Variants in MASP2 observed in about 807,000 individuals in gnomAD.
MASP2 encodes mannan-binding lectin serine protease 2.
In MASP2, 49 loss-of-function variants were observed where a neutral mutation model predicts 57.1. The observed-to-expected ratio is 0.86, with a 90% CI of 0.68 to 1.09. The LOEUF (loss-of-function observed/expected upper bound fraction) is 1.09, where lower values mean the gene tolerates loss of function less well. Among genes scored for constraint, MASP2 ranks in the 50% least tolerant of loss-of-function variants. The pLI, the probability that MASP2 is intolerant of heterozygous loss-of-function variation, is 0.00. For synonymous variants in MASP2, 379 were observed against 340.8 expected, an observed-to-expected ratio of 1.11 and a Z score of -1.24; for missense variants, 900 against 874.8, an observed-to-expected ratio of 1.03 and a Z score of -0.36.
intron 8 of MASP2, among the ~76,000 whole-genome samples, chr1:11,033,371 G>A (rs566207551): frequency 1.3e-5 from 2 of 151,864 alleles, no homozygotes; most frequent in East Asian, 1.9e-4. Flanking sequence ...CAGGCTGGGC[G>A]CTGTGGCTCA....
At chr1:11,043,658 C>T (rs1022831902) in intron 4 of MASP2, 123 bp from the exon 5 acceptor site, 3 of 707,174 alleles carry the variant, frequency 4.2e-6, no homozygotes, top group African/African-American at 3.6e-5. Flanking sequence ...ACATCTGCAT[C>T]CCTGGGTTGG....
At chr1:11,045,167 G>A (rs1478524196) in intron 4 of MASP2, 1 of 758,080 alleles carries the variant, frequency 1.3e-6, no homozygotes, top group African/African-American at 1.7e-5. Context: ...AGCCCAGGTG[G>A]AACCAGGTAC....
intron 10 of MASP2, among the ~76,000 whole-genome samples, chr1:11,027,979 T>C (rs369378026): frequency 1.2e-4 from 19 of 152,274 alleles, no homozygotes; most frequent in African/African-American, 4.6e-4. Flanking sequence ...CCCAGCACTT[T>C]GGGAGGCTGA....
rs1236630762 is a variant in MASP2 at position 11,034,893 on chromosome 1, A to C, written c.1022T>G (p.Leu341Arg). Reference protein sequence around the residue: ...GYELLQGHLPLKSFTAVCQKD... With the variant: ...GYELLQGHLPRKSFTAVCQKD... ...CTGACAAACTGCAGTAAAGGATTTCAGGGGCAAGTGACCCTAAAGAAGAAT... is the reference window on the plus strand; with the variant it reads ...CTGACAAACTGCAGTAAAGGATTTCCGGGGCAAGTGACCCTAAAGAAGAAT... The change falls in exon 8 of 11, where the codon CTG becomes CGG. Residue 341 changes from leucine (L) to arginine (R), a missense_variant. Transcript: ENST00000400897. 1 of 1,611,754 alleles carries C rather than the reference A, an allele frequency of 6.2e-7. No individual in the cohort carries two copies. Among genetic ancestry groups the C allele is most frequent in the Non-Finnish European group, 8.5e-7 (1 of 1,178,734 alleles).
At chr1:11,037,833 T>G (rs1638301042) in intron 6 of MASP2, 22 bp from the exon 7 acceptor site, 1 of 1,498,192 alleles carries the variant, frequency 6.7e-7, no homozygotes, top group Non-Finnish European at 9.2e-7. Context: ...AAACCAGGCT[T>G]GTTGGTTTTC....
At chr1:11,034,734 A>T in intron 8 of MASP2, 94 bp downstream of exon 8, 1 of 843,406 alleles carries the variant, frequency 1.2e-6, no homozygotes, top group Non-Finnish European at 1.8e-6. Flanking sequence ...AAAAGAAAGT[A>T]AACAGAAAAC....
chr1:11,032,073 A>G (rs1433517007), intron 8 of MASP2, among the ~76,000 whole-genome samples: 1 of 151,912 alleles, frequency 6.6e-6, no homozygotes, highest in East Asian at 1.9e-4. Context: ...CCCCATCTCT[A>G]CCAAAAATTT....
chr1:11,033,814 T>G (rs1643869610), intron 8 of MASP2, among the ~76,000 whole-genome samples: 1 of 149,698 alleles, frequency 6.7e-6, no homozygotes, highest in Admixed American at 6.7e-5. Context: ...GTGCCTGTAA[T>G]CCTAGCTACT....
At position 11,046,996 on chromosome 1, in the gene MASP2, C is replaced by T; in HGVS notation, c.129G>A (p.Gln43=). ...PGFPGEYAND[Q]ERRWTLTAPP... Reference sequence around the variant, plus strand: ...GTGCAGTCAGGGTCCAGCGCCGCTCCTGGTCATTGGCATACTCCCCTGGAA... The same window carrying T: ...GTGCAGTCAGGGTCCAGCGCCGCTCTTGGTCATTGGCATACTCCCCTGGAA... Residue 43 remains glutamine (Q), a synonymous_variant, in exon 2 of 11, where the codon CAG becomes CAA. Coordinates refer to ENST00000400897, the MANE Select transcript of MASP2 (RefSeq NM_006610.4). The T allele has an allele frequency of 6.4e-7, 1 of 1,554,964 alleles. No homozygotes were observed. The highest frequency in any genetic ancestry group is 8.7e-7 in the Non-Finnish European group (1 of 1,148,996).
chr1:11,030,312 T>G (rs998702481), intron 9 of MASP2, 62 bp from the exon 10 acceptor site: 8 of 1,154,470 alleles, frequency 6.9e-6, no homozygotes, highest in Non-Finnish European at 1.0e-5. Context: ...GTCATTTGCT[T>G]GAATACCCCC....
At chr1:11,043,682 G>T in intron 4 of MASP2, 147 bp from the exon 5 acceptor site, 1 of 624,342 alleles carries the variant, frequency 1.6e-6, no homozygotes, top group Non-Finnish European at 2.8e-6. Flanking sequence ...GGGCCCTGCA[G>T]GTGGCCAGCC....
intron 7 of MASP2, among the ~76,000 whole-genome samples, chr1:11,035,565 C>T (rs1286040354): frequency 6.6e-6 from 1 of 150,700 alleles, no homozygotes; most frequent in Non-Finnish European, 1.5e-5. Flanking sequence ...CATATCTCAA[C>T]ATTTCTGCAT....
intron 8 of MASP2, among the ~76,000 whole-genome samples, chr1:11,032,623 A>AAAG (rs1643862970): frequency 6.6e-6 from 1 of 150,552 alleles, no homozygotes. Flanking sequence ...AAAAAAAAAA[A>AAAG]AGTGGCTGGT....
At chr1:11,041,105 A>ATGGATG (rs59932912) in intron 6 of MASP2, among the ~76,000 whole-genome samples, 72,174 of 132,916 alleles carry the variant, frequency 0.54, 22,576 homozygotes, top group East Asian at 0.68. Context: ...AAGGATGGAT[A>ATGGATG]GATGGATGGA....
intron 7 of MASP2, among the ~76,000 whole-genome samples, chr1:11,036,001 A>G (rs1212423978): frequency 6.6e-6 from 1 of 151,810 alleles, no homozygotes; most frequent in Non-Finnish European, 1.5e-5. Flanking sequence ...GCTGGTGGCC[A>G]TTAGCTGGAG....
chr1:11,027,536 A>C lies in MASP2; in HGVS notation c.1410T>G (p.Gly470=). ...VLILGGTTAA[G]ALLYDNWVLT... is the part of the protein sequence containing the mutation. ...GGACCCAGTTGTCATATAAAAGTGC[A>C]CCTGCTGCTGTGGTTCCACCTAATA... Residue 470 remains glycine, a synonymous_variant, in exon 11 of 11, where the codon GGT becomes GGG. Coordinates refer to ENST00000400897, the MANE Select transcript of MASP2 (RefSeq NM_006610.4). 1 of 1,614,180 alleles carries C rather than the reference A, an allele frequency of 6.2e-7. No individual in the cohort carries two copies. The highest frequency in any genetic ancestry group is 8.5e-7 in the Non-Finnish European group (1 of 1,180,036).
intron 7 of MASP2, among the ~76,000 whole-genome samples, chr1:11,035,507 ATAGAGTGAGACCCT>A (rs1643880214): frequency 1.3e-5 from 2 of 150,496 alleles, no homozygotes; most frequent in Non-Finnish European, 3.0e-5. Flanking sequence ...AGCCTAGGTG[ATAGAGTGAGACCCT>A]GTCTCAAATC....
chr1:11,041,698 A>AAGG (rs1638449745), intron 6 of MASP2, among the ~76,000 whole-genome samples: 1 of 876 alleles, frequency 1.1e-3, no homozygotes, highest in Non-Finnish European at 2.3e-3. Context: ...AGTATGGGTG[A>AAGG]GTGGATGGAT....
At position 11,026,721 on chromosome 1, in the gene MASP2, G is replaced by A. The variant is rs1570730939; in HGVS notation, c.*164C>T. On this transcript the variant is annotated 3_prime_UTR_variant, in exon 11 of 11. Coordinates refer to ENST00000400897, the MANE Select transcript of MASP2 (RefSeq NM_006610.4). ...CAATGGGTAAGGCTGGAATTAAACTGGCAAGTGGAGAAATGACAGCAGCCT... is the reference window on the plus strand; with the variant it reads ...CAATGGGTAAGGCTGGAATTAAACTAGCAAGTGGAGAAATGACAGCAGCCT... 3 of 497,622 alleles carry A rather than the reference G, an allele frequency of 6.0e-6. No individual in the cohort carries two copies. The East Asian group carries it at 1.0e-4, about 17-fold the overall frequency. The allele number at this position is 497,622 out of a possible 1,614,324, so 30.8% of individuals were successfully genotyped here. A position where few individuals can be genotyped will look rare whatever the true frequency, so the allele number is the denominator to read the frequency against.
Sources: gnomAD v4.1 joint callset for allele counts (sites outside exome capture counted in the v4.1 genomes callset) on GRCh38, gnomAD v4.1.1 for gene constraint, MANE v1.5 for transcripts, NCBI Gene and HGNC (gene_info 2026-07-23, HGNC 2026-07-21) for gene names.